NTRK2: variants seen among roughly 807,000 people sequenced by gnomAD.
NTRK2 encodes neurotrophic receptor tyrosine kinase 2.
Under a neutral mutation model 94.5 loss-of-function variants are expected in NTRK2, and 13 were observed. The ratio of observed to expected loss-of-function variants is 0.14; its 90% confidence interval spans 0.09 to 0.22. The LOEUF is 0.22. Among genes scored for constraint, NTRK2 ranks in the 10% least tolerant of loss-of-function variants. The pLI, the probability that NTRK2 is intolerant of heterozygous loss-of-function variation, is 1.00. For synonymous variants in NTRK2, 372 were observed against 407.4 expected, an observed-to-expected ratio of 0.91 and a Z score of 1.05; for missense variants, 639 against 1,071.2, an observed-to-expected ratio of 0.60 and a Z score of 5.63.
chr9:84,849,456 G>A (rs936562069), intron 12 of NTRK2, among the ~76,000 whole-genome samples: 5 of 152,164 alleles, frequency 3.3e-5, no homozygotes, highest in South Asian at 2.1e-4. Flanking sequence ...AACATCTAAC[G>A]TAATCATGGA....
chr9:84,814,118 C>G, intron 12 of NTRK2: 21 of 1,065,390 alleles, frequency 2.0e-5, no homozygotes, highest in Non-Finnish European at 2.4e-5. Context: ...CATTTCTGAC[C>G]CACTAGGTTT....
intron 9 of NTRK2, among the ~76,000 whole-genome samples, chr9:84,734,416 T>G (rs1374963507): frequency 6.6e-6 from 1 of 152,238 alleles, no homozygotes; most frequent in African/African-American, 2.4e-5. Flanking sequence ...CTGCCCTTCC[T>G]TATTCAGAAG....
intron 2 of NTRK2, among the ~76,000 whole-genome samples, chr9:84,671,659 A>G (rs944142097): frequency 2.0e-5 from 3 of 152,232 alleles, no homozygotes; most frequent in African/African-American, 4.8e-5. Context: ...CTTGGATTAT[A>G]ACTCTTAATT....
chr9:84,999,272 A>C (rs1830089732), intron 17 of NTRK2, among the ~76,000 whole-genome samples: 1 of 152,202 alleles, frequency 6.6e-6, no homozygotes, highest in South Asian at 2.1e-4. Context: ...AACATGCATA[A>C]GATGCTCAGA....
chr9:84,972,177 C>A (rs1826266765), intron 17 of NTRK2, among the ~76,000 whole-genome samples: 1 of 152,142 alleles, frequency 6.6e-6, no homozygotes, highest in Non-Finnish European at 1.5e-5. Flanking sequence ...GACATACTAG[C>A]TACCTTCTGC....
intron 5 of NTRK2, among the ~76,000 whole-genome samples, chr9:84,709,453 A>C (rs1247985499): frequency 6.6e-6 from 1 of 152,152 alleles, no homozygotes; most frequent in Non-Finnish European, 1.5e-5. Flanking sequence ...TCCATATCTC[A>C]TAACATCAAA....
intron 17 of NTRK2, among the ~76,000 whole-genome samples, chr9:84,992,804 T>C (rs1333958877): frequency 1.3e-5 from 2 of 152,168 alleles, no homozygotes; most frequent in African/African-American, 4.8e-5. Context: ...TGCTTATATA[T>C]GTTACCATTG....
chr9:85,016,946 T>C (rs533331475), intron 17 of NTRK2, among the ~76,000 whole-genome samples: 1 of 152,308 alleles, frequency 6.6e-6, no homozygotes, highest in East Asian at 1.9e-4. Flanking sequence ...AGAAAACATG[T>C]AAATCAAAAC....
At chr9:84,850,515 G>T (rs1008067192) in intron 12 of NTRK2, among the ~76,000 whole-genome samples, 1 of 152,142 alleles carries the variant, frequency 6.6e-6, no homozygotes, top group Admixed American at 6.5e-5. Context: ...TTATTGAAGA[G>T]TTTGGACCTT....
chr9:84,764,599 A>T (rs2065871068), intron 12 of NTRK2, among the ~76,000 whole-genome samples: 1 of 152,190 alleles, frequency 6.6e-6, no homozygotes, highest in Non-Finnish European at 1.5e-5. Context: ...TTATTATAAG[A>T]GTATAGTTGG....
chr9:84,896,806 A>C (rs1052910838), intron 14 of NTRK2, among the ~76,000 whole-genome samples: 1 of 152,150 alleles, frequency 6.6e-6, no homozygotes, highest in Non-Finnish European at 1.5e-5. Context: ...GCCTCTCCCT[A>C]GGAGTGGCTC....
intron 12 of NTRK2, among the ~76,000 whole-genome samples, chr9:84,804,128 T>C (rs1022363006): frequency 2.0e-5 from 3 of 152,222 alleles, no homozygotes; most frequent in Admixed American, 2.0e-4. Flanking sequence ...TATTTTCACC[T>C]ACACTCTTTC....
chr9:85,003,017 C>T (rs1830494192), intron 17 of NTRK2, among the ~76,000 whole-genome samples: 1 of 152,146 alleles, frequency 6.6e-6, no homozygotes, highest in African/African-American at 2.4e-5. Context: ...GGTGAATCAG[C>T]CCCGAGAGAG....
chr9:84,734,261 T>G (rs1011997033), intron 9 of NTRK2, among the ~76,000 whole-genome samples: 2 of 152,188 alleles, frequency 1.3e-5, no homozygotes, highest in Non-Finnish European at 2.9e-5. Flanking sequence ...GATAGGCAGG[T>G]GCTCAGTGTT....
intron 9 of NTRK2, among the ~76,000 whole-genome samples, chr9:84,734,819 C>A (rs559334276): frequency 6.6e-6 from 1 of 152,150 alleles, no homozygotes; most frequent in Non-Finnish European, 1.5e-5. Context: ...CCCAGTCCTG[C>A]GTATGTCTTT....
intron 14 of NTRK2, among the ~76,000 whole-genome samples, chr9:84,896,802 C>T (rs1296254944): frequency 2.0e-5 from 3 of 152,164 alleles, no homozygotes; most frequent in African/African-American, 4.8e-5. Flanking sequence ...TTCTGCCTCT[C>T]CCTAGGAGTG....
At chr9:84,799,195 T>C (rs757896708) in intron 12 of NTRK2, among the ~76,000 whole-genome samples, 28 of 152,080 alleles carry the variant, frequency 1.8e-4, no homozygotes, top group Admixed American at 6.6e-5. Context: ...CTAGAAATTA[T>C]GACACTTGAA....
At chr9:84,791,334 A>G (rs1249154299) in intron 12 of NTRK2, among the ~76,000 whole-genome samples, 1 of 152,154 alleles carries the variant, frequency 6.6e-6, no homozygotes, top group Non-Finnish European at 1.5e-5. Context: ...GCAGGTATAT[A>G]TAATATACTT....
At chr9:84,809,177 G>T (rs1441043378) in intron 12 of NTRK2, among the ~76,000 whole-genome samples, 1 of 152,028 alleles carries the variant, frequency 6.6e-6, no homozygotes, top group Non-Finnish European at 1.5e-5. Context: ...AAAAAGAATA[G>T]TTTGGGTGCA....
Sources: gnomAD v4.1 joint callset for allele counts (sites outside exome capture counted in the v4.1 genomes callset) on GRCh38, gnomAD v4.1.1 for gene constraint, MANE v1.5 for transcripts, NCBI Gene and HGNC (gene_info 2026-07-23, HGNC 2026-07-21) for gene names.